The following FAF1 variants were observed in gnomAD, a reference collection of about 807,000 sequenced individuals.
FAF1 encodes FAS-associated factor 1.
In FAF1, 25 loss-of-function variants were observed where a neutral mutation model predicts 92.5. The observed-to-expected ratio is 0.27, with a 90% confidence interval of 0.20 to 0.38. The LOEUF is 0.38. FAF1 is among the 10% of genes least tolerant of loss of function. The pLI, the probability that FAF1 is intolerant of heterozygous loss-of-function variation, is 1.00. For synonymous variants in FAF1, 234 were observed against 273.2 expected (o/e 0.86, Z 1.42); for missense variants, 636 against 793.3 (o/e 0.80, Z 2.38).
At chr1:50,810,570 T>C (rs150882335) in intron 2 of FAF1, among the ~76,000 whole-genome samples, 1 of 152,262 alleles carries the variant, frequency 6.6e-6, no homozygotes, top group East Asian at 1.9e-4. Flanking sequence ...GCACTGGAAG[T>C]CCTATCCAGA....
At chr1:50,564,371 A>C (rs1430451843) in intron 13 of FAF1, among the ~76,000 whole-genome samples, 2 of 152,116 alleles carry the variant, frequency 1.3e-5, no homozygotes, top group African/African-American at 4.8e-5. Flanking sequence ...CCAAACTTAC[A>C]TCTATCATAA....
chr1:50,713,494 G>T (rs978873480), intron 6 of FAF1, among the ~76,000 whole-genome samples: 2 of 152,038 alleles, frequency 1.3e-5, no homozygotes, highest in Non-Finnish European at 2.9e-5. Flanking sequence ...GGCTGGTCTC[G>T]AACTCCTGAT....
chr1:50,570,937 T>C (rs78819510), intron 12 of FAF1, among the ~76,000 whole-genome samples: 284 of 152,292 alleles, frequency 1.9e-3, no homozygotes, highest in Non-Finnish European at 3.2e-3. Context: ...GAAAACTGCT[T>C]TCGTGAAGAA....
At chr1:50,765,041 G>A (rs1176558380) in intron 4 of FAF1, among the ~76,000 whole-genome samples, 4 of 152,172 alleles carry the variant, frequency 2.6e-5, no homozygotes, top group Non-Finnish European at 5.9e-5. Context: ...TATTGCAAAT[G>A]CTGCTCTGAG....
At chr1:50,515,741 T>C (rs1423897700) in intron 15 of FAF1, among the ~76,000 whole-genome samples, 3 of 152,144 alleles carry the variant, frequency 2.0e-5, no homozygotes, top group South Asian at 2.1e-4. Context: ...AACATAGACA[T>C]ACCTTCAAAA....
chr1:50,474,775 C>G (rs559665495), intron 18 of FAF1, among the ~76,000 whole-genome samples: 1 of 152,222 alleles, frequency 6.6e-6, no homozygotes, highest in East Asian at 1.9e-4. Flanking sequence ...ATCTATAAAT[C>G]TGATAAAGTC....
At chr1:50,764,426 C>T (rs1425378900) in intron 4 of FAF1, among the ~76,000 whole-genome samples, 2 of 152,156 alleles carry the variant, frequency 1.3e-5, no homozygotes, top group Non-Finnish European at 2.9e-5. Context: ...TGCATGTTTC[C>T]CTATGTAGCA....
At chr1:50,512,501 CCTTG>C (rs1433800127) in intron 15 of FAF1, among the ~76,000 whole-genome samples, 1 of 152,100 alleles carries the variant, frequency 6.6e-6, no homozygotes, top group Non-Finnish European at 1.5e-5. Flanking sequence ...AATCCTTTCC[CCTTG>C]CTTGTTTTTG....
chr1:50,869,797 T>C (rs1448985073), intron 1 of FAF1, among the ~76,000 whole-genome samples: 1 of 152,186 alleles, frequency 6.6e-6, no homozygotes, highest in Admixed American at 6.5e-5. Flanking sequence ...ATTTCTGGCT[T>C]ATAAGTTCTA....
At chr1:50,616,710 T>A (rs953045427) in intron 8 of FAF1, among the ~76,000 whole-genome samples, 5 of 151,094 alleles carry the variant, frequency 3.3e-5, no homozygotes, top group African/African-American at 1.2e-4. Context: ...AGACAGAGTC[T>A]CACTCTGTTG....
intron 7 of FAF1, among the ~76,000 whole-genome samples, chr1:50,668,421 A>T (rs1289187080): frequency 1.3e-5 from 2 of 152,224 alleles, no homozygotes; most frequent in East Asian, 3.8e-4. Context: ...CTACTTTGCA[A>T]GATCAGCTTT....
chr1:50,922,192 C>T (rs1426653223), intron 1 of FAF1, among the ~76,000 whole-genome samples: 1 of 151,410 alleles, frequency 6.6e-6, no homozygotes, highest in Non-Finnish European at 1.5e-5. Flanking sequence ...GGCGCAGTGG[C>T]TCACACCTGT....
intron 12 of FAF1, among the ~76,000 whole-genome samples, chr1:50,579,854 CA>C (rs564226022): frequency 1.3e-5 from 2 of 150,750 alleles, no homozygotes; most frequent in African/African-American, 4.9e-5. Context: ...ATTGTGGTTC[CA>C]AAAAAAACAG....
intron 1 of FAF1, among the ~76,000 whole-genome samples, chr1:50,928,355 CT>C (rs1353343907): frequency 6.6e-6 from 1 of 152,170 alleles, no homozygotes; most frequent in Non-Finnish European, 1.5e-5. Flanking sequence ...CGTCAAGAAT[CT>C]ATACCTTTGT....
intron 7 of FAF1, among the ~76,000 whole-genome samples, chr1:50,694,792 CAAAA>C (rs371721063): frequency 2.5e-3 from 139 of 55,806 alleles, no homozygotes; most frequent in African/African-American, 7.6e-3. Context: ...CTAAAAAATA[CAAAA>C]AAAAAAAAAA....
At chr1:50,581,620 A>G (rs1650988630) in intron 12 of FAF1, among the ~76,000 whole-genome samples, 1 of 148,332 alleles carries the variant, frequency 6.7e-6, no homozygotes, top group African/African-American at 2.6e-5. Flanking sequence ...AAGTGTAACA[A>G]TAAGAGATAA....
chr1:50,768,742 C>T (rs1284003673), intron 4 of FAF1, among the ~76,000 whole-genome samples: 1 of 151,970 alleles, frequency 6.6e-6, no homozygotes, highest in Non-Finnish European at 1.5e-5. Context: ...CTAATGAGAT[C>T]AAAGATGCAA....
At chr1:50,681,197 C>T (rs1364192689) in intron 7 of FAF1, among the ~76,000 whole-genome samples, 1 of 152,050 alleles carries the variant, frequency 6.6e-6, no homozygotes, top group African/African-American at 2.4e-5. Flanking sequence ...CAGGTGCCTG[C>T]AACCACACCC....
At chr1:50,445,880 GT>G (rs1646221788) in intron 18 of FAF1, among the ~76,000 whole-genome samples, 1 of 152,188 alleles carries the variant, frequency 6.6e-6, no homozygotes, top group African/African-American at 2.4e-5. Context: ...TGTGAAACAT[GT>G]TTATGTAACA....
Sources: allele counts gnomAD v4.1 joint callset (sites outside exome capture counted in the v4.1 genomes callset), GRCh38; gene constraint gnomAD v4.1.1; transcripts MANE v1.5; gene names NCBI Gene and HGNC (gene_info 2026-07-23, HGNC 2026-07-21).